The following TFAP2A variants were observed in gnomAD, a reference collection of about 807,000 sequenced individuals.
TFAP2A encodes transcription factor AP-2-alpha.
TFAP2A carries 7 observed loss-of-function variants against 41.5 expected under a neutral mutation model. That is an observed-to-expected ratio of 0.17 (90% CI 0.10 to 0.32). TFAP2A has a LOEUF of 0.32. Among genes scored for constraint, TFAP2A ranks in the 10% least tolerant of loss-of-function variants. The pLI is 1.00. For synonymous variants in TFAP2A, 247 were observed against 242.8 expected (o/e 1.02, Z -0.16); for missense variants, 416 against 563.3 (o/e 0.74, Z 2.65).
chr6:10,405,597 T>C (rs182605342), intron 3 of TFAP2A: 1 of 149,682 alleles, frequency 6.7e-6, no homozygotes, highest in Non-Finnish European at 1.5e-5. Flanking sequence ...AAAAAAAAAA[T>C]AGAAGACCTG....
intron 2 of TFAP2A, among the ~76,000 whole-genome samples, chr6:10,408,582 A>G (rs1757819331): frequency 1.3e-5 from 2 of 152,232 alleles, no homozygotes; most frequent in South Asian, 4.1e-4. Flanking sequence ...TTCCAAAAAA[A>G]TGCACTGTTA....
chr6:10,411,434 G>A (rs985114603), intron 1 of TFAP2A: 4 of 1,435,654 alleles, frequency 2.8e-6, no homozygotes, highest in Non-Finnish European at 3.9e-6. Flanking sequence ...GGAAGGTGGG[G>A]TGGGGGATGC....
intron 4 of TFAP2A, among the ~76,000 whole-genome samples, chr6:10,403,514 G>A (rs761770788): frequency 3.3e-5 from 5 of 152,132 alleles, no homozygotes; most frequent in Non-Finnish European, 5.9e-5. Context: ...GGCTTTGTGC[G>A]GGATATAGCC....
rs144613268 is a variant in TFAP2A at position 10,404,836 on chromosome 6, G to C, written c.539-97C>G. On this transcript the variant is annotated intron_variant, in intron 3 of 6. Coordinates refer to ENST00000379613, the MANE Select transcript of TFAP2A (RefSeq NM_001372066.1). ...TCATCCCGGCCAGGGCCGGATCCCA[G>C]GCTTTGGGCCACAGTCCCCGCTTTT... is the stretch of plus-strand genomic sequence containing the variant. 5 of 1,115,952 alleles carry C rather than the reference G, an allele frequency of 4.5e-6. No individual in the cohort carries two copies. The African/African-American group carries it at 6.2e-5, about 14-fold the overall frequency. The allele number at this position is 1,115,952 out of a possible 1,614,324, so 69.1% of individuals were successfully genotyped here.
intron 4 of TFAP2A, among the ~76,000 whole-genome samples, chr6:10,404,204 C>T (rs960380786): frequency 6.6e-6 from 1 of 152,172 alleles, no homozygotes; most frequent in Non-Finnish European, 1.5e-5. Flanking sequence ...GCGGAGCGAG[C>T]TGCGCTTGCG....
chr6:10,414,114 T>C (rs1758132848), intron 1 of TFAP2A, among the ~76,000 whole-genome samples: 1 of 152,232 alleles, frequency 6.6e-6, no homozygotes, highest in Admixed American at 6.5e-5. Context: ...CCCAGCGGGC[T>C]TGCGGCACCA....
intron 1 of TFAP2A, among the ~76,000 whole-genome samples, chr6:10,414,123 C>T (rs1283079923): frequency 6.6e-6 from 1 of 152,222 alleles, no homozygotes; most frequent in Non-Finnish European, 1.5e-5. Flanking sequence ...CTTGCGGCAC[C>T]AGAGGTGGTC....
At chr6:10,403,522 G>A (rs921432460) in intron 4 of TFAP2A, among the ~76,000 whole-genome samples, 1 of 152,174 alleles carries the variant, frequency 6.6e-6, no homozygotes, top group Non-Finnish European at 1.5e-5. Context: ...GCGGGATATA[G>A]CCACTAGAAA....
chr6:10,419,596 A>C, upstream of TFAP2A: 1 of 1,025,520 alleles, frequency 9.8e-7, no homozygotes, highest in Non-Finnish European at 1.5e-6. Context: ...CTGGGTTGCT[A>C]CCTGCCGACG....
chr6:10,399,514 A>C (rs1761923726), intron 6 of TFAP2A, among the ~76,000 whole-genome samples: 1 of 152,178 alleles, frequency 6.6e-6, no homozygotes, highest in African/African-American at 2.4e-5. Context: ...TCTGTCTCTG[A>C]ATCTGGGAAG....
intron 3 of TFAP2A, chr6:10,405,997 TTAAAC>T (rs923327801): frequency 5.3e-5 from 8 of 152,186 alleles, no homozygotes; most frequent in Non-Finnish European, 1.0e-4. Context: ...AAATGAAACT[TTAAAC>T]TAGCTAACAA....
chr6:10,415,345 C>G, upstream of TFAP2A: 1 of 1,175,106 alleles, frequency 8.5e-7, no homozygotes, highest in African/African-American at 1.6e-5. Context: ...AATTGCTCGC[C>G]AGTACCACAA....
upstream of TFAP2A, chr6:10,415,449 T>G: frequency 3.5e-6 from 1 of 287,248 alleles, no homozygotes; most frequent in Non-Finnish European, 6.4e-6. Context: ...TGATAAAACC[T>G]TCCTCGAGCT....
intron 1 of TFAP2A, chr6:10,412,035 A>G: frequency 3.8e-6 from 4 of 1,049,122 alleles, no homozygotes; most frequent in South Asian, 3.4e-5. Flanking sequence ...GCAGATATTC[A>G]TGACTATTAA....
rs1761795159 is a variant in TFAP2A, at chr6:10,397,189, T to A, written c.*1228A>T. 6.6e-6 allele frequency: 1 copy of A among 152,100 alleles called. No homozygotes were observed. Among genetic ancestry groups the A allele is most frequent in the Non-Finnish European group, 1.5e-5 (1 of 68,016 alleles). 9.4% of individuals were successfully genotyped at this position (152,100 alleles called of 1,614,324 possible). ...AGTGAAAATACAGAATACCAGGTGG[T>A]CCCAAATGTTTGAAGTTCTTTGAAC... On this transcript the variant is annotated 3_prime_UTR_variant, in exon 7 of 7. Coordinates refer to ENST00000379613, the MANE Select transcript of TFAP2A (RefSeq NM_001372066.1).
upstream of TFAP2A, chr6:10,415,116 GA>G: frequency 3.1e-6 from 5 of 1,593,894 alleles, no homozygotes; most frequent in Admixed American, 5.2e-5. Context: ...AGAGGAGGTG[GA>G]GGAGGAGAAG....
At chr6:10,401,307 A>G (rs1256685025) in intron 5 of TFAP2A, among the ~76,000 whole-genome samples, 4 of 152,196 alleles carry the variant, frequency 2.6e-5, no homozygotes, top group South Asian at 2.1e-4. Context: ...ACTCCACGCT[A>G]TACCTTAAGC....
chr6:10,417,914 G>A (rs1758303195), upstream of TFAP2A, among the ~76,000 whole-genome samples: 2 of 152,204 alleles, frequency 1.3e-5, no homozygotes, highest in South Asian at 2.1e-4. Context: ...CCAGTCCCAG[G>A]CCAAACCTAC....
chr6:10,398,738 A>G lies in TFAP2A; in HGVS notation c.1032-33T>C, dbSNP rs759173468. On this transcript the variant is annotated intron_variant, in intron 6 of 6. Transcript: ENST00000379613. This position sits in a 1 kb window ranked among gnomAD's most constrained non-coding sequence, Gnocchi z 5.3. ...ACAAGTGGAGCAGAGAGAGAGACAT[A>G]AGGCTCCACTATGGGCAGCACTAGC... is the stretch of plus-strand genomic sequence containing the variant. The G allele has an allele frequency of 1.2e-6, 2 of 1,612,032 alleles. No individual in the cohort carries two copies. Among genetic ancestry groups the G allele is most frequent in the Non-Finnish European group, 1.7e-6 (2 of 1,178,844 alleles).
Sources: allele counts gnomAD v4.1 joint callset (sites outside exome capture counted in the v4.1 genomes callset), GRCh38; gene constraint gnomAD v4.1.1; non-coding constraint Gnocchi (gnomAD v3.1); transcripts MANE v1.5; gene names NCBI Gene and HGNC (gene_info 2026-07-23, HGNC 2026-07-21).